SPOCK3: variants seen among roughly 807,000 people sequenced by gnomAD.
SPOCK3 encodes SPARC (osteonectin), cwcv and kazal like domains proteoglycan 3.
In SPOCK3, 30 loss-of-function variants were observed where a neutral mutation model predicts 56.6. The observed-to-expected ratio is 0.53, with a 90% confidence interval of 0.40 to 0.72. The LOEUF (loss-of-function observed/expected upper bound fraction) is 0.72. SPOCK3 is among the 30% of genes least tolerant of loss of function. The pLI, the probability that SPOCK3 is intolerant of heterozygous loss-of-function variation, is 0.00. For missense variants in SPOCK3, 527 were observed against 530.0 expected, an observed-to-expected ratio of 0.99 and a Z score of 0.06; for synonymous variants, 196 against 183.3, an observed-to-expected ratio of 1.07 and a Z score of -0.56.
chr4:166,787,296 T>C (rs963140113), intron 7 of SPOCK3, among the ~76,000 whole-genome samples: 2 of 152,180 alleles, frequency 1.3e-5, no homozygotes, highest in African/African-American at 4.8e-5. Flanking sequence ...TATTAGCATT[T>C]AAACATTCTT....
intron 4 of SPOCK3, among the ~76,000 whole-genome samples, chr4:166,966,120 T>C (rs766303270): frequency 2.6e-5 from 4 of 152,088 alleles, no homozygotes; most frequent in Non-Finnish European, 5.9e-5. Context: ...TTCTTTCACT[T>C]AGTAATGTGG....
chr4:167,151,540 T>C (rs900278573), intron 2 of SPOCK3, among the ~76,000 whole-genome samples: 2 of 151,930 alleles, frequency 1.3e-5, no homozygotes, highest in Non-Finnish European at 2.9e-5. Flanking sequence ...GTTCACGCCA[T>C]TCTCCTGCCT....
intron 2 of SPOCK3, among the ~76,000 whole-genome samples, chr4:167,129,151 TCAC>T (rs1342671342): frequency 6.6e-6 from 1 of 152,180 alleles, no homozygotes; most frequent in Admixed American, 6.5e-5. Flanking sequence ...ATAATCAGCA[TCAC>T]CCACAAAGAC....
intron 4 of SPOCK3, among the ~76,000 whole-genome samples, chr4:166,954,154 T>C (rs1347347862): frequency 6.6e-6 from 1 of 152,216 alleles, no homozygotes; most frequent in East Asian, 1.9e-4. Flanking sequence ...TTGAGTTATC[T>C]GAGTTCCTTT....
chr4:166,897,868 G>A (rs569151076), intron 5 of SPOCK3, among the ~76,000 whole-genome samples: 1 of 152,184 alleles, frequency 6.6e-6, no homozygotes, highest in South Asian at 2.1e-4. Context: ...GGTAGTGAAA[G>A]GCTCAACCAT....
chr4:166,747,542 A>T (rs1735802415), intron 8 of SPOCK3, among the ~76,000 whole-genome samples: 1 of 152,202 alleles, frequency 6.6e-6, no homozygotes, highest in African/African-American at 2.4e-5. Flanking sequence ...TGAATGGCCA[A>T]AAACTGGAAG....
chr4:167,205,489 A>ATTATATATTATATATTATATAAT (rs1734142680), intron 2 of SPOCK3, among the ~76,000 whole-genome samples: 1 of 54,352 alleles, frequency 1.8e-5, no homozygotes, highest in Non-Finnish European at 3.0e-5. Flanking sequence ...TATAATATAT[A>ATTATATATTATATATTATATAAT]ATATATAATA....
intron 2 of SPOCK3, among the ~76,000 whole-genome samples, chr4:167,078,395 A>G (rs1453339759): frequency 1.5e-5 from 2 of 133,182 alleles, no homozygotes; most frequent in African/African-American, 5.6e-5. Context: ...GAATGTTGGG[A>G]AGGAATGGGG....
intron 6 of SPOCK3, among the ~76,000 whole-genome samples, chr4:166,863,670 C>G (rs1303988915): frequency 6.6e-6 from 1 of 151,920 alleles, no homozygotes; most frequent in East Asian, 1.9e-4. Context: ...TTTAAACCAA[C>G]AAAGATCAAA....
intron 4 of SPOCK3, among the ~76,000 whole-genome samples, chr4:166,972,480 T>C (rs1233104972): frequency 6.6e-6 from 1 of 151,926 alleles, no homozygotes; most frequent in African/African-American, 2.4e-5. Flanking sequence ...CAAAAGAACA[T>C]CACCCACTTT....
At chr4:167,106,145 A>G (rs1414932334) in intron 2 of SPOCK3, among the ~76,000 whole-genome samples, 2 of 151,974 alleles carry the variant, frequency 1.3e-5, no homozygotes, top group African/African-American at 4.8e-5. Context: ...AGGTATATAC[A>G]GAACATTTCA....
rs17597712 is a variant in SPOCK3 at position 166,734,811 on chromosome 4, T to C, written c.*110A>G. ...ATTTTTCAAATAATTATACAAAATA[T>C]ATGTGAGGTTTAGAATCATTTTGTT... is the stretch of plus-strand genomic sequence containing the variant. On this transcript the variant is annotated 3_prime_UTR_variant, in exon 11 of 11. Coordinates refer to ENST00000357545, the MANE Select transcript of SPOCK3 (RefSeq NM_001040159.2). 0.021 allele frequency: 19,193 copies of C among 904,698 alleles called. 272 individuals are homozygous for C. Among genetic ancestry groups the C allele is most frequent in the Non-Finnish European group, 0.027 (16,428 of 613,828 alleles). The allele number at this position is 904,698 out of a possible 1,614,324, so 56.0% of individuals were successfully genotyped here.
intron 3 of SPOCK3, among the ~76,000 whole-genome samples, chr4:167,007,230 T>C (rs1455834301): frequency 6.6e-6 from 1 of 152,078 alleles, no homozygotes; most frequent in African/African-American, 2.4e-5. Flanking sequence ...ATCTGTAGAG[T>C]ATTGGTTCCA....
chr4:167,116,585 T>TGTATATATATATACGTATATACTATATAC (rs1561233564), intron 2 of SPOCK3, among the ~76,000 whole-genome samples: 1 of 113,600 alleles, frequency 8.8e-6, no homozygotes, highest in Non-Finnish European at 1.7e-5. Flanking sequence ...TATATAGTTT[T>TGTATATATATATACGTATATACTATATAC]GTATATATAT....
chr4:166,863,697 C>T (rs540926654), intron 6 of SPOCK3, among the ~76,000 whole-genome samples: 5 of 151,758 alleles, frequency 3.3e-5, no homozygotes, highest in African/African-American at 1.2e-4. Context: ...AAAGGCAGAA[C>T]ATAATGGTAA....
intron 6 of SPOCK3, among the ~76,000 whole-genome samples, chr4:166,863,730 G>C (rs1260177811): frequency 4.6e-5 from 7 of 152,080 alleles, no homozygotes; most frequent in African/African-American, 1.4e-4. Flanking sequence ...AACAAGAAGA[G>C]CTAACTATCC....
intron 8 of SPOCK3, among the ~76,000 whole-genome samples, chr4:166,751,973 A>C (rs1560820016): frequency 6.6e-6 from 1 of 152,020 alleles, no homozygotes; most frequent in African/African-American, 2.4e-5. Context: ...AAATTATAAC[A>C]TTTTTTTCCC....
chr4:167,017,358 C>A (rs1032460355), intron 3 of SPOCK3, among the ~76,000 whole-genome samples: 10 of 152,092 alleles, frequency 6.6e-5, no homozygotes. Flanking sequence ...TCTTTGTTTG[C>A]ACTTTTAAGG....
At chr4:166,989,415 A>C (rs1011138829) in intron 4 of SPOCK3, among the ~76,000 whole-genome samples, 1 of 152,132 alleles carries the variant, frequency 6.6e-6, no homozygotes, top group African/African-American at 2.4e-5. Flanking sequence ...AGCCTTAATA[A>C]CAGGCAAAAT....
Sources: gnomAD v4.1 joint callset for allele counts (sites outside exome capture counted in the v4.1 genomes callset) on GRCh38, gnomAD v4.1.1 for gene constraint, MANE v1.5 for transcripts, NCBI Gene and HGNC (gene_info 2026-07-23, HGNC 2026-07-21) for gene names.